Variants in RASGRP3 observed in about 807,000 individuals in gnomAD.
RASGRP3 encodes the protein RAS guanyl releasing protein 3.
In RASGRP3, 54 loss-of-function variants were observed where a neutral mutation model predicts 82.7. The observed-to-expected ratio is 0.65, with a 90% CI of 0.52 to 0.82. The LOEUF is 0.82. Among genes scored for constraint, RASGRP3 ranks in the 40% least tolerant of loss-of-function variants. RASGRP3 has a pLI of 0.00. For missense variants in RASGRP3, 861 were observed against 828.9 expected (o/e 1.04, Z -0.48); for synonymous variants, 309 against 300.5 (o/e 1.03, Z -0.29).
rs1271531954 is a variant in RASGRP3, at chr2:33,524,563, A to C, written c.807+15A>C. 2 of 1,526,168 alleles carry C rather than the reference A, an allele frequency of 1.3e-6. No homozygotes were observed. The highest frequency in any genetic ancestry group is 1.8e-6 in the Non-Finnish European group (2 of 1,122,194). 94.5% of individuals were successfully genotyped at this position (1,526,168 alleles called of 1,614,324 possible). On this transcript the variant is annotated intron_variant, in intron 9 of 17. Coordinates refer to ENST00000403687, the MANE Select transcript of RASGRP3 (RefSeq NM_001139488.2). Reference sequence around the variant, plus strand: ...AAGTTACAAAGGTATAGTAGACTTGATCCTAATCAAAAGTAAAAAAATGCA... The same window carrying C: ...AAGTTACAAAGGTATAGTAGACTTGCTCCTAATCAAAAGTAAAAAAATGCA...
At chr2:33,525,863 C>T (rs1310255229) in intron 9 of RASGRP3, among the ~76,000 whole-genome samples, 1 of 152,008 alleles carries the variant, frequency 6.6e-6, no homozygotes, top group Non-Finnish European at 1.5e-5. Context: ...GGGGACATAC[C>T]TGGAAGTCCA....
chr2:33,470,717 G>T (rs2150915342), intron 2 of RASGRP3, among the ~76,000 whole-genome samples: 1 of 152,170 alleles, frequency 6.6e-6, no homozygotes, highest in South Asian at 2.1e-4. Flanking sequence ...GTTTTTGTGG[G>T]TTATATGGAA....
chr2:33,555,869 T>C (rs1267280970), intron 15 of RASGRP3, among the ~76,000 whole-genome samples: 2 of 152,190 alleles, frequency 1.3e-5, no homozygotes, highest in Non-Finnish European at 2.9e-5. Context: ...AAATACTGAA[T>C]ATAAGAACTT....
rs997069101 is a variant in RASGRP3, at chr2:33,512,984, G to A, written c.-128+1142G>A. ...CAGGAAAGGCAGTAGGACATGCCAA[G>A]TGAGAGGTGGGTGAGAGCTGAGAGG... On this transcript the variant is annotated intron_variant, in intron 2 of 17. Transcript: ENST00000403687. 2.0e-5 allele frequency among the ~76,000 whole-genome samples: 3 copies of A among 152,222 alleles called. No individual in the cohort carries two copies. The East Asian group carries it at 5.8e-4, about 29-fold the overall frequency.
chr2:33,455,892 C>T (rs1380673223), intron 2 of RASGRP3, among the ~76,000 whole-genome samples: 1 of 152,150 alleles, frequency 6.6e-6, no homozygotes, highest in African/African-American at 2.4e-5. Flanking sequence ...CCCCACCCTG[C>T]CCCGAGTGTC....
chr2:33,440,034 G>A (rs1665142377), intron 1 of RASGRP3, among the ~76,000 whole-genome samples: 1 of 152,100 alleles, frequency 6.6e-6, no homozygotes. Flanking sequence ...TGTTCAAGAG[G>A]ATGTTATGTT....
intron 1 of RASGRP3, among the ~76,000 whole-genome samples, chr2:33,444,089 G>A (rs1665377480): frequency 6.6e-6 from 1 of 152,146 alleles, no homozygotes; most frequent in African/African-American, 2.4e-5. Context: ...GATTGCTTGA[G>A]GTCAGGATTT....
Position 33,542,219 on chromosome 2 carries a change from A to C in RASGRP3, c.1279-1293A>C, listed in dbSNP as rs536859429. Among the ~76,000 whole-genome samples the C allele has an allele frequency of 2.7e-5, 4 of 147,478 alleles. No homozygotes were observed. In the East Asian group the frequency reaches 7.7e-4, roughly 28 times the overall value. On this transcript the variant is annotated intron_variant, in intron 12 of 17. Transcript: ENST00000403687. ...CAACAGCAGTTATTGGATAATCCATAATTTATCTGTGGATTTTAAAAGATA... is the reference window on the plus strand; with the variant it reads ...CAACAGCAGTTATTGGATAATCCATCATTTATCTGTGGATTTTAAAAGATA...
chr2:33,520,096 C>T, intron 5 of RASGRP3, 82 bp downstream of exon 5: 1 of 1,182,458 alleles, frequency 8.5e-7, no homozygotes, highest in Non-Finnish European at 1.2e-6. Flanking sequence ...AGCTGCAGAC[C>T]TAGTTTGACA....
chr2:33,563,592 T>TAAC lies in RASGRP3; in HGVS notation c.*857_*859dup, dbSNP rs3832073. On this transcript the variant is annotated 3_prime_UTR_variant, in exon 18 of 18. Coordinates refer to ENST00000403687, the MANE Select transcript of RASGRP3 (RefSeq NM_001139488.2). ...AGAAATTAATTCAAGTTTTGACGGT[T>TAAC]AACATTTAGCAGAAAAACAAACCAT... 4.5e-4 allele frequency: 69 copies of TAAC among 151,908 alleles called. No individual in the cohort carries two copies. The highest frequency in any genetic ancestry group is 1.5e-3 in the African/African-American group (63 of 41,516). The allele number at this position is 151,908 out of a possible 1,614,324, so 9.4% of individuals were successfully genotyped here.
chr2:33,545,261 T>G (rs968972954), intron 13 of RASGRP3, among the ~76,000 whole-genome samples: 1 of 152,250 alleles, frequency 6.6e-6, no homozygotes. Flanking sequence ...CTTGCTTACA[T>G]GACACTAAAG....
chr2:33,539,067 A>G (rs1311031998), intron 11 of RASGRP3, 27 bp from the exon 12 acceptor site: 1 of 1,444,906 alleles, frequency 6.9e-7, no homozygotes, highest in Non-Finnish European at 9.5e-7. Context: ...AAGTTGAAAA[A>G]TATGTGGTTT....
At chr2:33,520,500 T>C in intron 5 of RASGRP3, 53 bp from the exon 6 acceptor site, 5 of 1,606,418 alleles carry the variant, frequency 3.1e-6, no homozygotes, top group Non-Finnish European at 4.3e-6. Context: ...ATCGTTTCCA[T>C]AGATAACCAA....
At chr2:33,552,793 T>G (rs973210965) in intron 14 of RASGRP3, among the ~76,000 whole-genome samples, 6 of 152,154 alleles carry the variant, frequency 3.9e-5, no homozygotes, top group Non-Finnish European at 5.9e-5. Flanking sequence ...GTTAAGTGAC[T>G]TCCCCCAAGG....
At chr2:33,523,769 G>C (rs901009505) in intron 7 of RASGRP3, 110 bp from the exon 8 acceptor site, 11 of 1,112,012 alleles carry the variant, frequency 9.9e-6, no homozygotes, top group Non-Finnish European at 1.1e-5. Context: ...TGAAATAAAA[G>C]AAATTGTGTT....
intron 2 of RASGRP3, chr2:33,458,002 A>G (rs1036615499): frequency 2.0e-5 from 3 of 152,112 alleles, no homozygotes; most frequent in African/African-American, 7.2e-5. Flanking sequence ...AGTGCTGAGG[A>G]GCTATTTATA....
intron 15 of RASGRP3, among the ~76,000 whole-genome samples, chr2:33,557,318 AACATATTTACTGAGCAT>A (rs1317624431): frequency 6.6e-6 from 1 of 152,246 alleles, no homozygotes; most frequent in African/African-American, 2.4e-5. Flanking sequence ...GCAAATATAG[AACATATTTACTGAGCAT>A]ATGCCCATCT....
chr2:33,548,504 CATAA>C (rs1357268251), intron 13 of RASGRP3, among the ~76,000 whole-genome samples: 1 of 151,808 alleles, frequency 6.6e-6, no homozygotes, highest in East Asian at 1.9e-4. Context: ...AGAGACTGAG[CATAA>C]CCTGGAAGGA....
intron 15 of RASGRP3, among the ~76,000 whole-genome samples, chr2:33,557,072 A>AATGGGT (rs1676062686): frequency 6.6e-6 from 1 of 152,172 alleles, no homozygotes; most frequent in Admixed American, 6.5e-5. Flanking sequence ...CTTAGGGGAA[A>AATGGGT]ATGGGTACTG....
Sources: gnomAD v4.1 joint callset for allele counts (sites outside exome capture counted in the v4.1 genomes callset) on GRCh38, gnomAD v4.1.1 for gene constraint, MANE v1.5 for transcripts, NCBI Gene and HGNC (gene_info 2026-07-23, HGNC 2026-07-21) for gene names.